The following NEU3 variants were observed in gnomAD, a reference collection of about 807,000 sequenced individuals.
NEU3 encodes sialidase-3.
A neutral mutation model predicts 11.4 loss-of-function variants in NEU3; 10 were observed. That is an observed-to-expected ratio of 0.88 (90% CI 0.54 to 1.49). The LOEUF (loss-of-function observed/expected upper bound fraction) is 1.49, where lower values mean the gene tolerates loss of function less well. Ranked by LOEUF, NEU3 falls within the 40% of genes most tolerant of loss-of-function variation. The probability of loss-of-function intolerance (pLI) is 0.00; values close to 1 mark genes in which losing one functional copy is unlikely to be tolerated. For synonymous variants in NEU3, 212 were observed against 228.2 expected, an observed-to-expected ratio of 0.93 and a Z score of 0.64; for missense variants, 529 against 581.8, an observed-to-expected ratio of 0.91 and a Z score of 0.93.
Position 75,007,341 on chromosome 11 carries a change from CAAG to C in NEU3, c.*850_*852del, listed in dbSNP as rs778045036. ...CAGAATTTCCCACAGTCTTTGCCCT[CAAG>C]GAGTTCACCAGTTTATGGGGCTAGA... On this transcript the variant is annotated 3_prime_UTR_variant, in exon 3 of 3. Coordinates refer to ENST00000294064, the MANE Select transcript of NEU3 (RefSeq NM_006656.6). 5.3e-5 allele frequency: 8 copies of C among 152,182 alleles called. No individual in the cohort carries two copies. Among genetic ancestry groups the C allele is most frequent in the Admixed American group, 1.3e-4 (2 of 15,280 alleles). The allele number at this position is 152,182 out of a possible 1,614,324, so 9.4% of individuals were successfully genotyped here. A position where few individuals can be genotyped will look rare whatever the true frequency, so the allele number is the denominator to read the frequency against.
In NEU3 at chr11:75,010,269, C is replaced by G. The variant is rs1281463079; in HGVS notation, c.*3777C>G. The G allele has an allele frequency of 6.6e-6, 1 of 152,132 alleles. No individual in the cohort carries two copies. The highest frequency in any genetic ancestry group is 1.5e-5 in the Non-Finnish European group (1 of 68,030). The allele number at this position is 152,132 out of a possible 1,614,324, so 9.4% of individuals were successfully genotyped here. A position where few individuals can be genotyped will look rare whatever the true frequency, so the allele number is the denominator to read the frequency against. On this transcript the variant is annotated 3_prime_UTR_variant, in exon 3 of 3. Coordinates refer to ENST00000294064, the MANE Select transcript of NEU3 (RefSeq NM_006656.6). ...TCTAAAAATATAAGCTTTTTTCTGT[C>G]ATATTCTGAATTCCCTGAAGGTAAG...
intron 2 of NEU3, among the ~76,000 whole-genome samples, chr11:74,997,113 C>A (rs1220486712): frequency 7.2e-6 from 1 of 139,646 alleles, no homozygotes; most frequent in African/African-American, 2.5e-5. Context: ...ACATTGACTT[C>A]TCTCTAGCCA....
At chr11:74,981,759 A>G in the NEU3 span, among the ~76,000 whole-genome samples, 1 of 152,304 alleles carries the variant, frequency 6.6e-6, no homozygotes, top group African/African-American at 2.4e-5. Context: ...CCTGACCAAC[A>G]TGGTTTTCTA....
intron 2 of NEU3, 30 bp downstream of exon 2, chr11:74,994,750 G>A (rs1208482121): frequency 2.5e-6 from 4 of 1,586,990 alleles, no homozygotes; most frequent in Non-Finnish European, 3.5e-6. Flanking sequence ...CTGAGTCTGG[G>A]CCTCAGTTTC....
Position 75,005,924 on chromosome 11 carries a change from T to G in NEU3, c.818T>G (p.Leu273Arg). 6.2e-7 allele frequency: 1 copy of G among 1,613,644 alleles called. No homozygotes were observed. Among genetic ancestry groups the G allele is most frequent in the Non-Finnish European group, 8.5e-7 (1 of 1,179,834 alleles). The change falls in exon 3 of 3, where the codon CTA (leucine) becomes CGA (arginine). Residue 273 changes from leucine (L) to arginine (R), a missense_variant. Physicochemically the swap from Leu to Arg is moderately radical, Grantham distance 102 (BLOSUM62 -2). Coordinates refer to ENST00000294064, the MANE Select transcript of NEU3 (RefSeq NM_006656.6). ...EVTGRAGHPV[L>R]YCSARTPNRC... ...ACTGGGAGGGCTGGCCACCCTGTGC[T>G]ATATTGCAGTGCCCGGACACCAAAC...
chr11:75,014,832 C>T (rs1225221777), downstream of NEU3, among the ~76,000 whole-genome samples: 1 of 151,984 alleles, frequency 6.6e-6, no homozygotes, highest in East Asian at 1.9e-4. Flanking sequence ...CGCCATTGCA[C>T]TCCAACCTGG....
rs1380904619 is a variant in NEU3 at position 75,007,367 on chromosome 11, A to G, written c.*875A>G. ...AAGGAGTTCACCAGTTTATGGGGCT[A>G]GAAGAGCGAGAAAATTCAAGAAAAT... On this transcript the variant is annotated 3_prime_UTR_variant, in exon 3 of 3. Coordinates refer to ENST00000294064, the MANE Select transcript of NEU3 (RefSeq NM_006656.6). The G allele has an allele frequency of 6.6e-6, 1 of 152,372 alleles. No homozygotes were observed. The highest frequency in any genetic ancestry group is 1.9e-4 in the East Asian group (1 of 5,192). 9.4% of individuals were successfully genotyped at this position (152,372 alleles called of 1,614,324 possible). A position where few individuals can be genotyped will look rare whatever the true frequency, so the allele number is the denominator to read the frequency against.
intron 1 of NEU3, among the ~76,000 whole-genome samples, chr11:74,989,430 A>G (rs1948707502): frequency 6.6e-6 from 1 of 152,176 alleles, no homozygotes; most frequent in Admixed American, 6.5e-5. Flanking sequence ...TGGGCGGCAG[A>G]AAGAGCCCTG....
chr11:74,992,992 C>T (rs1948748694), intron 1 of NEU3, among the ~76,000 whole-genome samples: 1 of 151,974 alleles, frequency 6.6e-6, no homozygotes, highest in African/African-American at 2.4e-5. Context: ...CCCTTTATAG[C>T]TGAATTTGCA....
In NEU3 at chr11:74,994,613, C is replaced by A. The variant is rs150915961; in HGVS notation, c.199C>A (p.Pro67Thr). The change falls in exon 2 of 3, where the codon CCC (proline) becomes ACC (threonine). Residue 67 changes from proline to threonine, a missense_variant. Physicochemically the swap from Pro to Thr is conservative, Grantham distance 38 (BLOSUM62 -1). Coordinates refer to ENST00000294064, the MANE Select transcript of NEU3 (RefSeq NM_006656.6). ...GATCCCAGCCCTGCTCTACATACCC[C>A]CCACCCACACCTTCCTGGCCTTTGC... ...YRIPALLYIP[P>T]THTFLAFAEK... 8.7e-6 allele frequency: 14 copies of A among 1,613,974 alleles called. No individual in the cohort carries two copies. In the East Asian group the frequency reaches 2.0e-4, roughly 23 times the overall value.
downstream of NEU3, among the ~76,000 whole-genome samples, chr11:75,011,547 G>A (rs977286968): frequency 6.6e-6 from 1 of 152,160 alleles, no homozygotes; most frequent in African/African-American, 2.4e-5. Flanking sequence ...CTTGGCTGGT[G>A]GAGAATGCCT....
At chr11:74,999,765 ACCCATTGGTTTGTT>A (rs1427017336) in intron 2 of NEU3, among the ~76,000 whole-genome samples, 1 of 152,214 alleles carries the variant, frequency 6.6e-6, no homozygotes, top group Non-Finnish European at 1.5e-5. Context: ...CTCTATAATT[ACCCATTGGTTTGTT>A]CTGCCTTCTG....
chr11:75,011,815 G>A (rs1411259956), downstream of NEU3, among the ~76,000 whole-genome samples: 3 of 152,088 alleles, frequency 2.0e-5, no homozygotes, highest in Admixed American at 2.0e-4. Flanking sequence ...GAACTGAAAT[G>A]TAAGCCATGA....
chr11:74,985,880 A>G (rs1481271350), upstream of NEU3, among the ~76,000 whole-genome samples: 1 of 152,200 alleles, frequency 6.6e-6, no homozygotes, highest in African/African-American at 2.4e-5. Flanking sequence ...GCACATAATA[A>G]AGACTCCTAG....
intron 1 of NEU3, among the ~76,000 whole-genome samples, chr11:74,990,460 G>C (rs1202272003): frequency 1.3e-5 from 2 of 152,066 alleles, no homozygotes; most frequent in Non-Finnish European, 1.5e-5. Context: ...GGTTTCAAGT[G>C]ATTCTCCTGC....
chr11:74,987,585 G>A (rs1452486005), upstream of NEU3, among the ~76,000 whole-genome samples: 4 of 152,032 alleles, frequency 2.6e-5, no homozygotes, highest in Non-Finnish European at 5.9e-5. Flanking sequence ...AGGCCGAGGC[G>A]GGCGGATCAC....
At chr11:74,988,916 C>T (rs565072379), upstream of NEU3, 471 of 679,378 alleles carry the variant, frequency 6.9e-4, 4 homozygotes, top group South Asian at 7.1e-3. Context: ...TTTTCGTTGC[C>T]GTTACCTGTT....
At chr11:74,982,669 A>G in the NEU3 span, among the ~76,000 whole-genome samples, 1 of 152,182 alleles carries the variant, frequency 6.6e-6, no homozygotes, top group Non-Finnish European at 1.5e-5. Context: ...CCATGGGGAC[A>G]GGGAAATCTG....
chr11:75,018,482 G>C (rs1379576754), intron 3 of NEU3, among the ~76,000 whole-genome samples: 1 of 152,090 alleles, frequency 6.6e-6, no homozygotes, highest in Non-Finnish European at 1.5e-5. Context: ...GAAAAGACTT[G>C]ACTGGCCTAG....
Sources: allele counts gnomAD v4.1 joint callset (sites outside exome capture counted in the v4.1 genomes callset), GRCh38; gene constraint gnomAD v4.1.1; transcripts MANE v1.5; gene names NCBI Gene and HGNC (gene_info 2026-07-23, HGNC 2026-07-21).